Variants in XRCC4 observed in about 807,000 individuals in gnomAD.
XRCC4 encodes DNA repair protein XRCC4.
XRCC4 carries 28 observed loss-of-function variants against 39.1 expected under a neutral mutation model. The observed-to-expected ratio is 0.72, with a 90% CI of 0.53 to 0.98. The LOEUF (loss-of-function observed/expected upper bound fraction) is 0.98, where lower values mean the gene tolerates loss of function less well. Among genes scored for constraint, XRCC4 ranks in the 50% least tolerant of loss-of-function variants. XRCC4 has a pLI of 0.00. For synonymous variants in XRCC4, 123 were observed against 126.4 expected (o/e 0.97, Z 0.18); for missense variants, 350 against 376.4 (o/e 0.93, Z 0.58).
chr5:83,209,684 A>C (rs1374357480), intron 6 of XRCC4, among the ~76,000 whole-genome samples: 1 of 152,098 alleles, frequency 6.6e-6, no homozygotes, highest in Non-Finnish European at 1.5e-5. Context: ...TTCCTCACTA[A>C]TTATTTTAAT....
At chr5:83,361,902 T>C in the XRCC4 span, among the ~76,000 whole-genome samples, 1 of 152,110 alleles carries the variant, frequency 6.6e-6, no homozygotes, top group Non-Finnish European at 1.5e-5. Flanking sequence ...CATATATCCA[T>C]AGAGTCCAGA....
the XRCC4 span, among the ~76,000 whole-genome samples, chr5:83,361,080 G>A: frequency 6.6e-6 from 1 of 152,124 alleles, no homozygotes; most frequent in Non-Finnish European, 1.5e-5. Context: ...GCTATTGACT[G>A]TGTGACTTAC....
At chr5:83,169,492 A>G (rs993625008) in intron 3 of XRCC4, among the ~76,000 whole-genome samples, 31 of 152,218 alleles carry the variant, frequency 2.0e-4, no homozygotes, top group Non-Finnish European at 1.2e-4. Context: ...GAAAGATTAA[A>G]CAAAAAGCAA....
chr5:83,308,953 A>G (rs1755584436), intron 7 of XRCC4, among the ~76,000 whole-genome samples: 1 of 152,192 alleles, frequency 6.6e-6, no homozygotes, highest in South Asian at 2.1e-4. Flanking sequence ...TTGCACAGCA[A>G]GGAACAAATC....
intron 6 of XRCC4, among the ~76,000 whole-genome samples, chr5:83,257,223 A>G (rs1294127161): frequency 6.6e-6 from 1 of 152,104 alleles, no homozygotes; most frequent in Non-Finnish European, 1.5e-5. Context: ...TAAGGGAGAA[A>G]AAATTAAGCT....
chr5:83,166,926 G>T (rs867185290), intron 3 of XRCC4, among the ~76,000 whole-genome samples: 1 of 151,688 alleles, frequency 6.6e-6, no homozygotes, highest in South Asian at 2.1e-4. Flanking sequence ...CTGTCACCCA[G>T]ACTGGGGTGC....
At chr5:83,329,621 A>C (rs543761199) in intron 7 of XRCC4, among the ~76,000 whole-genome samples, 1 of 152,282 alleles carries the variant, frequency 6.6e-6, no homozygotes, top group African/African-American at 2.4e-5. Context: ...CAACATCATC[A>C]GTAATGGTAC....
At chr5:83,298,953 A>C (rs375152314) in intron 7 of XRCC4, among the ~76,000 whole-genome samples, 1 of 152,032 alleles carries the variant, frequency 6.6e-6, no homozygotes, top group East Asian at 1.9e-4. Context: ...TTTCTAAAGA[A>C]TAAGACATTC....
chr5:83,147,301 C>T (rs1405434925), intron 3 of XRCC4, among the ~76,000 whole-genome samples: 4 of 152,012 alleles, frequency 2.6e-5, no homozygotes, highest in African/African-American at 9.7e-5. Flanking sequence ...AAGAATCAAC[C>T]CGGGTATCCA....
At chr5:83,088,564 A>G (rs1209384958) in intron 1 of XRCC4, among the ~76,000 whole-genome samples, 2 of 152,222 alleles carry the variant, frequency 1.3e-5, no homozygotes, top group African/African-American at 4.8e-5. Flanking sequence ...TCAGATCAGC[A>G]TTTTAAATTT....
At chr5:83,244,135 A>G (rs1225229978) in intron 6 of XRCC4, among the ~76,000 whole-genome samples, 2 of 152,150 alleles carry the variant, frequency 1.3e-5, no homozygotes, top group Non-Finnish European at 2.9e-5. Context: ...AATGGTATAT[A>G]TAGTAGAAAA....
intron 1 of XRCC4, among the ~76,000 whole-genome samples, chr5:83,086,326 A>G (rs1157289889): frequency 6.6e-6 from 1 of 152,200 alleles, no homozygotes; most frequent in East Asian, 1.9e-4. Flanking sequence ...CTTAACTACT[A>G]ATAGTTTATT....
chr5:83,356,575 G>A (rs1004304636), downstream of XRCC4: 2 of 275,620 alleles, frequency 7.3e-6, no homozygotes, highest in Admixed American at 4.6e-5. Flanking sequence ...CTATAATCTT[G>A]GGTTCCTATT....
intron 1 of XRCC4, among the ~76,000 whole-genome samples, chr5:83,081,457 A>G (rs1000647027): frequency 1.3e-5 from 2 of 152,044 alleles, no homozygotes; most frequent in Non-Finnish European, 2.9e-5. Context: ...TCAGACTGAA[A>G]TGTACTTGAG....
At chr5:83,157,427 T>C (rs966371273) in intron 3 of XRCC4, among the ~76,000 whole-genome samples, 6 of 152,062 alleles carry the variant, frequency 3.9e-5, no homozygotes, top group African/African-American at 1.4e-4. Context: ...GTCTTAATTG[T>C]GAATGGATAG....
chr5:83,327,364 C>T (rs1316240990), intron 7 of XRCC4, among the ~76,000 whole-genome samples: 1 of 151,946 alleles, frequency 6.6e-6, no homozygotes, highest in East Asian at 1.9e-4. Flanking sequence ...AGAAATATAT[C>T]AGTATGTATC....
At chr5:83,267,177 TGTTCTTTGA>T (rs1753985610) in intron 7 of XRCC4, among the ~76,000 whole-genome samples, 1 of 152,066 alleles carries the variant, frequency 6.6e-6, no homozygotes, top group African/African-American at 2.4e-5. Flanking sequence ...CAGGAGGAAG[TGTTCTTTGA>T]GTCTGGCTTT....
intron 3 of XRCC4, among the ~76,000 whole-genome samples, chr5:83,124,650 C>A (rs1747172908): frequency 6.6e-6 from 1 of 152,144 alleles, no homozygotes; most frequent in Non-Finnish European, 1.5e-5. Context: ...GGTTGGCAAA[C>A]AATAGCCTGT....
chr5:83,310,398 A>T (rs1401825100), intron 7 of XRCC4, among the ~76,000 whole-genome samples: 1 of 152,188 alleles, frequency 6.6e-6, no homozygotes, highest in Non-Finnish European at 1.5e-5. Context: ...GAGCTAAATA[A>T]GGAGGATGGG....
Sources: allele counts gnomAD v4.1 joint callset (sites outside exome capture counted in the v4.1 genomes callset), GRCh38; gene constraint gnomAD v4.1.1; transcripts MANE v1.5; gene names NCBI Gene and HGNC (gene_info 2026-07-23, HGNC 2026-07-21).